The following ARHGEF18 variants were observed in gnomAD, a reference collection of about 807,000 sequenced individuals.
ARHGEF18 encodes Rho/Rac guanine nucleotide exchange factor 18, also known as rho guanine nucleotide exchange factor 18.
ARHGEF18 carries 93 observed loss-of-function variants against 155.7 expected under a neutral mutation model. The ratio of observed to expected loss-of-function variants is 0.60; its 90% CI spans 0.50 to 0.71. The LOEUF is 0.71. Ranked by LOEUF, ARHGEF18 falls within the 30% of genes least tolerant of loss-of-function variation. The probability of loss-of-function intolerance (pLI) is 0.00; values close to 1 mark genes in which losing one functional copy is unlikely to be tolerated. For synonymous variants in ARHGEF18, 742 were observed against 753.1 expected (o/e 0.99, Z 0.24); for missense variants, 1,593 against 1,816.1 (o/e 0.88, Z 2.23).
intron 17 of ARHGEF18, among the ~76,000 whole-genome samples, chr19:7,454,120 G>A (rs2145848109): frequency 6.6e-6 from 1 of 151,490 alleles, no homozygotes; most frequent in East Asian, 2.0e-4. Context: ...TTGGAGTGGT[G>A]GCACCATATT....
In ARHGEF18 at chr19:7,379,255, G is replaced by A. The variant is rs114890151; in HGVS notation, c.644+89G>A. 3.1e-3 allele frequency: 3,582 copies of A among 1,158,558 alleles called. 100 individuals carry two copies. The African/African-American group carries it at 0.053, about 17-fold the overall frequency. 71.8% of individuals were successfully genotyped at this position (1,158,558 alleles called of 1,614,324 possible). A position where few individuals can be genotyped will look rare whatever the true frequency, so the allele number is the denominator to read the frequency against. The stretch of plus-strand genomic sequence containing the variant: ...GGGGTGTGCACAGGTGTAGGAGACA[G>A]GGGTAGAGAAGACTGGGTGAGGGCT... On this transcript the variant is annotated intron_variant, in intron 7 of 28. Coordinates refer to ENST00000668164, the MANE Select transcript of ARHGEF18 (RefSeq NM_001367823.1).
At chr19:7,444,000 T>G (rs1368115490) in intron 13 of ARHGEF18, among the ~76,000 whole-genome samples, 1 of 152,058 alleles carries the variant, frequency 6.6e-6, no homozygotes, top group Non-Finnish European at 1.5e-5. Flanking sequence ...GGTTCTCTCC[T>G]TCCCCTGCTC....
chr19:7,368,020 C>CGGAAGGAGGGAA (rs1970020152), intron 2 of ARHGEF18, among the ~76,000 whole-genome samples: 1 of 95,180 alleles, frequency 1.1e-5, no homozygotes, highest in Non-Finnish European at 1.9e-5. Context: ...GGAGGGAGGG[C>CGGAAGGAGGGAA]GGAAGGAAGG....
chr19:7,380,947 C>T lies in ARHGEF18; in HGVS notation c.675C>T (p.Ser225=), dbSNP rs922442664. The T allele has an allele frequency of 1.5e-5, 19 of 1,232,070 alleles. No homozygotes were observed. In the African/African-American group the frequency reaches 2.9e-4, roughly 19 times the overall value. The allele number at this position is 1,232,070 out of a possible 1,614,324, so 76.3% of individuals were successfully genotyped here. Residue 225 remains serine (S), a synonymous_variant, in exon 8 of 29, where the codon AGC becomes AGT. Transcript: ENST00000668164. ...GGCAGAGGGCTTGCATGTCAGCCAG[C>T]CCCGGAGGAGCCCACTCGAACCTGA... ...GARQRACMSA[S]PGGAHSNLTW... is the part of the protein sequence containing the mutation.
intron 1 of ARHGEF18, 42 bp from the exon 2 acceptor site, chr19:7,362,739 T>C: frequency 8.1e-7 from 1 of 1,232,612 alleles, no homozygotes; most frequent in Non-Finnish European, 1.0e-6. Context: ...TCCTCAGCAC[T>C]CCCAGCTTAT....
rs1370281753 is a variant in ARHGEF18, at chr19:7,369,352, T to C, written c.16-3460T>C. ...GGCACATGCCTGTAATCCCAGCTAC[T>C]CGGGAGGCTGAGGCAGGAGAATCGC... On this transcript the variant is annotated intron_variant, in intron 2 of 28. Transcript: ENST00000668164. Among the ~76,000 whole-genome samples, 4 of 151,878 alleles carry C rather than the reference T, an allele frequency of 2.6e-5. No homozygotes were observed. In the East Asian group the frequency reaches 7.7e-4, roughly 29 times the overall value.
chr19:7,353,780 C>G (rs1027800372), intron 1 of ARHGEF18, among the ~76,000 whole-genome samples: 22 of 151,414 alleles, frequency 1.5e-4, no homozygotes, highest in Admixed American at 7.9e-4. Flanking sequence ...TGGCAAAACC[C>G]TGCCTCTACT....
rs543845765 is a variant in ARHGEF18 at position 7,444,713 on chromosome 19, G to A, written c.1611+259G>A. Among the ~76,000 whole-genome samples, 2 of 152,104 alleles carry A rather than the reference G, an allele frequency of 1.3e-5. No individual in the cohort carries two copies. Among genetic ancestry groups the A allele is most frequent in the East Asian group, 3.9e-4 (2 of 5,172 alleles). On this transcript the variant is annotated intron_variant, in intron 14 of 28. Coordinates refer to ENST00000668164, the MANE Select transcript of ARHGEF18 (RefSeq NM_001367823.1). This position sits in a 1 kb window ranked among gnomAD's most constrained non-coding sequence, Gnocchi z 4.7. ...TTGTAGAGATGAGGTCTCACTCTAT[G>A]GCCCAGGCTGGTCTTGAACTCCTGA...
chr19:7,384,541 T>C (rs778570624), intron 10 of ARHGEF18, among the ~76,000 whole-genome samples: 18 of 152,326 alleles, frequency 1.2e-4, no homozygotes, highest in Non-Finnish European at 1.9e-4. Context: ...CTTTCTGCAG[T>C]GCCATTGCTG....
chr19:7,466,753 A>G (rs1237562166), intron 23 of ARHGEF18, among the ~76,000 whole-genome samples, 165 bp from the exon 24 acceptor site: 1 of 146,210 alleles, frequency 6.8e-6, no homozygotes, highest in Non-Finnish European at 1.5e-5. Context: ...GCAGTGAGCC[A>G]AGATCGCGCC....
chr19:7,441,142 TGACATTGACAGATA>T (rs1974615746), intron 11 of ARHGEF18, among the ~76,000 whole-genome samples: 1 of 149,902 alleles, frequency 6.7e-6, no homozygotes, highest in Non-Finnish European at 1.5e-5. Flanking sequence ...AATCCTGATG[TGACATTGACAGATA>T]ATCTTCCCCA....
At chr19:7,370,712 T>C (rs1470751296) in intron 2 of ARHGEF18, among the ~76,000 whole-genome samples, 1 of 151,962 alleles carries the variant, frequency 6.6e-6, no homozygotes, top group Non-Finnish European at 1.5e-5. Context: ...TGCGATGTGA[T>C]CCATCCACAC....
downstream of ARHGEF18, chr19:7,477,357 C>CGGCCAGGTT: frequency 6.4e-7 from 1 of 1,557,642 alleles, no homozygotes. Context: ...TTGGCCAGGT[C>CGGCCAGGTT]GGCCAGGTTG....
At chr19:7,441,870 T>C (rs1397518801) in intron 12 of ARHGEF18, 42 bp from the exon 13 acceptor site, 3 of 1,613,164 alleles carry the variant, frequency 1.9e-6, no homozygotes, top group Non-Finnish European at 2.5e-6. Context: ...TGGGGTGGCA[T>C]GGCTCTGGGC....
chr19:7,453,456 A>T lies in ARHGEF18; in HGVS notation c.1856-11A>T. 1 of 1,582,546 alleles carries T rather than the reference A, an allele frequency of 6.3e-7. No individual in the cohort carries two copies. The highest frequency in any genetic ancestry group is 8.6e-7 in the Non-Finnish European group (1 of 1,161,052). Reference sequence around the variant, plus strand: ...GGAAAAGAAAGACGCTAACTCTGCTATGTGTGGCAGCTGGCACTGAGGACT... The same window carrying T: ...GGAAAAGAAAGACGCTAACTCTGCTTTGTGTGGCAGCTGGCACTGAGGACT... On this transcript the variant is annotated splice_polypyrimidine_tract_variant and intron_variant, in intron 16 of 28. Coordinates refer to ENST00000668164, the MANE Select transcript of ARHGEF18 (RefSeq NM_001367823.1).
intron 10 of ARHGEF18, among the ~76,000 whole-genome samples, chr19:7,431,950 G>A (rs1417681104): frequency 6.6e-6 from 1 of 152,144 alleles, no homozygotes; most frequent in Non-Finnish European, 1.5e-5. Context: ...TGGGGTAGGA[G>A]GCTTTTCGTT....
Position 7,393,322 on chromosome 19 carries a change from G to C in ARHGEF18, c.967+10119G>C, listed in dbSNP as rs1222851718. Among the ~76,000 whole-genome samples the C allele has an allele frequency of 2.0e-5, 3 of 152,142 alleles. No homozygotes were observed. In the South Asian group the frequency reaches 6.2e-4, roughly 32 times the overall value. On this transcript the variant is annotated intron_variant, in intron 10 of 28. Transcript: ENST00000668164. ...ACGCAACCCTCCAGCTTCTGAACTGGGGACTCTCAACAACATATTGTGCAT... is the reference window on the plus strand; with the variant it reads ...ACGCAACCCTCCAGCTTCTGAACTGCGGACTCTCAACAACATATTGTGCAT...
chr19:7,413,728 T>C (rs1039885473), intron 10 of ARHGEF18, among the ~76,000 whole-genome samples: 1 of 152,056 alleles, frequency 6.6e-6, no homozygotes, highest in Admixed American at 6.6e-5. Flanking sequence ...ACCACTATAC[T>C]CCAGCCGAGA....
rs1975814139 is a variant in ARHGEF18 at position 7,456,184 on chromosome 19, C to A, written c.2105-143C>A. On this transcript the variant is annotated intron_variant, in intron 17 of 28. Transcript: ENST00000668164. ...CTGGAAAGGTGATGGGGGGTGCAGGCAAGGCAGAAAGGAAACTTCTAGGCC... is the reference window on the plus strand; with the variant it reads ...CTGGAAAGGTGATGGGGGGTGCAGGAAAGGCAGAAAGGAAACTTCTAGGCC... 3 of 758,956 alleles carry A rather than the reference C, an allele frequency of 4.0e-6. No homozygotes were observed. In the South Asian group the frequency reaches 4.5e-5, roughly 11 times the overall value. The allele number at this position is 758,956 out of a possible 1,614,324, so 47.0% of individuals were successfully genotyped here. A position where few individuals can be genotyped will look rare whatever the true frequency, so the allele number is the denominator to read the frequency against.
Sources: gnomAD v4.1 joint callset for allele counts (sites outside exome capture counted in the v4.1 genomes callset) on GRCh38, gnomAD v4.1.1 for gene constraint, Gnocchi (gnomAD v3.1) non-coding constraint, MANE v1.5 for transcripts, NCBI Gene and HGNC (gene_info 2026-07-23, HGNC 2026-07-21) for gene names.